Variants in SPAG1 observed in about 807,000 individuals in gnomAD.
The protein encoded by SPAG1 is sperm associated antigen 1.
In SPAG1, 69 loss-of-function variants were observed where a neutral mutation model predicts 100.5. The ratio of observed to expected loss-of-function variants is 0.69; its 90% CI spans 0.57 to 0.84. SPAG1 has a LOEUF of 0.84. SPAG1 is among the 40% of genes least tolerant of loss of function. SPAG1 has a pLI of 0.00. For missense variants in SPAG1, 955 were observed against 1,133.1 expected (o/e 0.84, Z 2.26); for synonymous variants, 336 against 411.6 (o/e 0.82, Z 2.22).
At chr8:100,177,695 T>C (rs1586413668) in intron 3 of SPAG1, 121 bp from the exon 4 acceptor site, 3 of 481,988 alleles carry the variant, frequency 6.2e-6, no homozygotes, top group East Asian at 3.6e-5. Context: ...CTGAAAAAAA[T>C]CCACATATAA....
chr8:100,197,028 A>G (rs953209738), intron 10 of SPAG1, among the ~76,000 whole-genome samples: 1 of 152,108 alleles, frequency 6.6e-6, no homozygotes, highest in Admixed American at 6.5e-5. Flanking sequence ...AAATGGGACT[A>G]TAGGCACACC....
intron 12 of SPAG1, among the ~76,000 whole-genome samples, chr8:100,214,193 T>C (rs1817868351): frequency 6.6e-6 from 1 of 152,224 alleles, no homozygotes; most frequent in African/African-American, 2.4e-5. Flanking sequence ...GATAACTAAT[T>C]CCAATCCACT....
chr8:100,191,297 T>G, intron 8 of SPAG1, 93 bp from the exon 9 acceptor site: 1 of 783,936 alleles, frequency 1.3e-6, no homozygotes, highest in South Asian at 1.6e-5. Flanking sequence ...TCCTAAAGTA[T>G]TCTGTGCTGC....
chr8:100,213,964 AT>A, intron 12 of SPAG1, 46 bp downstream of exon 12: 1 of 1,076,848 alleles, frequency 9.3e-7, no homozygotes, highest in Non-Finnish European at 1.4e-6. Flanking sequence ...TTATAATTTC[AT>A]TATGGTGAAT....
At chr8:100,191,317 C>T (rs1770667761) in intron 8 of SPAG1, 73 bp from the exon 9 acceptor site, 2 of 1,007,972 alleles carry the variant, frequency 2.0e-6, no homozygotes, top group Admixed American at 3.9e-5. Flanking sequence ...CTCATATCTT[C>T]CACTTGCCAA....
At chr8:100,214,254 A>G (rs1817870969) in intron 12 of SPAG1, among the ~76,000 whole-genome samples, 1 of 152,226 alleles carries the variant, frequency 6.6e-6, no homozygotes, top group African/African-American at 2.4e-5. Flanking sequence ...GATTGTTTCC[A>G]ACAGGCCTTT....
At chr8:100,219,039 G>C (rs954662859) in intron 12 of SPAG1, among the ~76,000 whole-genome samples, 1 of 152,070 alleles carries the variant, frequency 6.6e-6, no homozygotes, top group Non-Finnish European at 1.5e-5. Context: ...CTGACCTGTG[G>C]GCATGTCACT....
chr8:100,171,037 T>C (rs193120733), intron 3 of SPAG1, among the ~76,000 whole-genome samples: 2 of 152,136 alleles, frequency 1.3e-5, no homozygotes, highest in African/African-American at 2.4e-5. Flanking sequence ...CCTTGTTTGA[T>C]GAGAATTTTT....
At chr8:100,200,963 C>T (rs1454625285) in intron 10 of SPAG1, among the ~76,000 whole-genome samples, 1 of 151,526 alleles carries the variant, frequency 6.6e-6, no homozygotes, top group Non-Finnish European at 1.5e-5. Flanking sequence ...ATATGAAGTC[C>T]AATTTTTTTT....
chr8:100,221,292 A>G (rs1242952583), intron 13 of SPAG1, among the ~76,000 whole-genome samples: 3 of 152,152 alleles, frequency 2.0e-5, no homozygotes, highest in African/African-American at 7.2e-5. Flanking sequence ...GCCCTTGTAA[A>G]TAGACACTTA....
rs1563806904 is a variant in SPAG1, at chr8:100,221,072, C to CA, written c.1688+641_1688+642insA. Among the ~76,000 whole-genome samples the CA allele has an allele frequency of 9.3e-4, 132 of 142,288 alleles. 1 individual carries two copies. Among genetic ancestry groups the CA allele is most frequent in the Middle Eastern group, 3.5e-3 (1 of 288 alleles). The allele number at this position is 142,288 out of a possible 152,430, so 93.3% of individuals were successfully genotyped here. ...TGGACAACGGAGCAAGATTCCAACT[C>CA]CAAAAAAAAAAATTAAAATAAAATA... On this transcript the variant is annotated intron_variant, in intron 13 of 18. Transcript: ENST00000388798.
At chr8:100,182,748 T>C (rs1008924533) in intron 4 of SPAG1, among the ~76,000 whole-genome samples, 1 of 152,176 alleles carries the variant, frequency 6.6e-6, no homozygotes, top group Non-Finnish European at 1.5e-5. Flanking sequence ...AATCAGAATT[T>C]AGTACTTTTT....
At chr8:100,165,164 A>G (rs1402451971) in intron 2 of SPAG1, 1 of 423,880 alleles carries the variant, frequency 2.4e-6, no homozygotes, top group Non-Finnish European at 4.7e-6. Context: ...ATTTTACAGC[A>G]ACAAAAAATA....
intron 3 of SPAG1, among the ~76,000 whole-genome samples, chr8:100,176,072 C>T (rs1438030246): frequency 6.6e-6 from 1 of 152,142 alleles, no homozygotes; most frequent in Non-Finnish European, 1.5e-5. Context: ...GAATACAGCA[C>T]TTTTGTCTGC....
In SPAG1 at chr8:100,213,804, A is replaced by C; in HGVS notation, c.1436-15A>C. 1 of 1,439,822 alleles carries C rather than the reference A, an allele frequency of 6.9e-7. No homozygotes were observed. Among genetic ancestry groups the C allele is most frequent in the Non-Finnish European group, 9.7e-7 (1 of 1,028,178 alleles). The allele number at this position is 1,439,822 out of a possible 1,614,324, so 89.2% of individuals were successfully genotyped here. On this transcript the variant is annotated splice_polypyrimidine_tract_variant and intron_variant, in intron 11 of 18. Coordinates refer to ENST00000388798, the MANE Select transcript of SPAG1 (RefSeq NM_003114.5). ...TAATGGATTTTAACTGTATTTAATTAAATGTGATTTTTAGGAAGTGAAATT... is the reference window on the plus strand; with the variant it reads ...TAATGGATTTTAACTGTATTTAATTCAATGTGATTTTTAGGAAGTGAAATT...
intron 11 of SPAG1, 74 bp from the exon 12 acceptor site, chr8:100,213,745 G>A (rs1817845386): frequency 1.4e-5 from 13 of 951,438 alleles, no homozygotes; most frequent in East Asian, 4.9e-5. Flanking sequence ...GGAGACCTCG[G>A]CCGTCTTGTA....
At chr8:100,181,544 G>A (rs1044850389) in intron 4 of SPAG1, among the ~76,000 whole-genome samples, 3 of 152,148 alleles carry the variant, frequency 2.0e-5, no homozygotes, top group Non-Finnish European at 4.4e-5. Context: ...CAGTTCTAGG[G>A]GCTAGAAGTA....
chr8:100,169,234 A>G (rs71516860), intron 3 of SPAG1, among the ~76,000 whole-genome samples: 207 of 152,228 alleles, frequency 1.4e-3, no homozygotes, highest in Middle Eastern at 6.8e-3. Context: ...TATTATCTTT[A>G]AATTTCTTGG....
chr8:100,195,540 T>C (rs1487899499), intron 10 of SPAG1, among the ~76,000 whole-genome samples: 2 of 151,862 alleles, frequency 1.3e-5, no homozygotes, highest in Non-Finnish European at 2.9e-5. Flanking sequence ...TAAAAAGGAT[T>C]GAAAAGGGAG....
Sources: allele counts gnomAD v4.1 joint callset (sites outside exome capture counted in the v4.1 genomes callset), GRCh38; gene constraint gnomAD v4.1.1; transcripts MANE v1.5; gene names NCBI Gene and HGNC (gene_info 2026-07-23, HGNC 2026-07-21).